The following COL4A4 variants were observed in gnomAD, a reference collection of about 807,000 sequenced individuals.
COL4A4 encodes collagen type IV alpha 4 chain, also known as collagen alpha-4(IV) chain.
COL4A4 carries 105 observed loss-of-function variants against 192.9 expected under a neutral mutation model. The observed-to-expected ratio is 0.54, with a 90% CI of 0.46 to 0.64. COL4A4 has a LOEUF of 0.64. Among genes scored for constraint, COL4A4 ranks in the 30% least tolerant of loss-of-function variants. COL4A4 has a pLI of 0.00. For synonymous variants in COL4A4, 762 were observed against 769.9 expected (o/e 0.99, Z 0.17); for missense variants, 1,967 against 2,169.3 (o/e 0.91, Z 1.85).
At chr2:226,969,833 T>G in the COL4A4 span, among the ~76,000 whole-genome samples, 1 of 152,190 alleles carries the variant, frequency 6.6e-6, no homozygotes, top group African/African-American at 2.4e-5. Flanking sequence ...TGCTAAATTT[T>G]TCTTGGTTTG....
chr2:227,099,735 C>T (rs1230260427), intron 17 of COL4A4, 46 bp from the exon 18 acceptor site: 2 of 1,529,666 alleles, frequency 1.3e-6, no homozygotes, highest in Non-Finnish European at 1.8e-6. Context: ...ATTAATTTTA[C>T]TCATGTTGCC....
Position 227,037,381 on chromosome 2 carries a change from C to T in COL4A4, c.3506-3900G>A, listed in dbSNP as rs185772234. Reference sequence around the variant, plus strand: ...TTAGTTTGCTGAGAATGATGGTTTTCAGCTTCATCCATGTCCCTGCAAAGG... The same window carrying T: ...TTAGTTTGCTGAGAATGATGGTTTTTAGCTTCATCCATGTCCCTGCAAAGG... On this transcript the variant is annotated intron_variant, in intron 37 of 47. Transcript: ENST00000396625. Among the ~76,000 whole-genome samples, 710 of 152,264 alleles carry T rather than the reference C, an allele frequency of 4.7e-3. 6 individuals are homozygous for T. Among genetic ancestry groups the T allele is most frequent in the African/African-American group, 0.016 (667 of 41,544 alleles).
chr2:227,000,215 A>T (rs1960581087), downstream of COL4A4, among the ~76,000 whole-genome samples: 1 of 152,186 alleles, frequency 6.6e-6, no homozygotes, highest in Non-Finnish European at 1.5e-5. Flanking sequence ...CAGGGTGTGC[A>T]CCCAGGGCCC....
intron 4 of COL4A4, among the ~76,000 whole-genome samples, chr2:227,132,543 A>G (rs2062546938): frequency 6.6e-6 from 1 of 152,220 alleles, no homozygotes; most frequent in Non-Finnish European, 1.5e-5. Flanking sequence ...TGGGAGGCCG[A>G]GATGGGCAGA....
At chr2:227,115,606 A>G (rs2061451310) in intron 7 of COL4A4, among the ~76,000 whole-genome samples, 1 of 152,112 alleles carries the variant, frequency 6.6e-6, no homozygotes, top group Non-Finnish European at 1.5e-5. Context: ...TCTCTTGGTT[A>G]CCACATAAAA....
At chr2:227,081,147 A>G (rs2059303054) in intron 23 of COL4A4, among the ~76,000 whole-genome samples, 1 of 152,198 alleles carries the variant, frequency 6.6e-6, no homozygotes, top group Admixed American at 6.5e-5. Flanking sequence ...GGAATGAAGG[A>G]TGCCTACATA....
chr2:227,067,409 T>C (rs1559540601), intron 25 of COL4A4, among the ~76,000 whole-genome samples: 1 of 152,186 alleles, frequency 6.6e-6, no homozygotes, highest in Non-Finnish European at 1.5e-5. Flanking sequence ...ATCAACAGAA[T>C]ATACATTTTT....
chr2:227,063,815 T>C (rs1227745165), intron 25 of COL4A4, among the ~76,000 whole-genome samples: 1 of 151,832 alleles, frequency 6.6e-6, no homozygotes, highest in South Asian at 2.1e-4. Context: ...TTCTATACTT[T>C]GAGTATGTGT....
chr2:227,101,858 C>A lies in COL4A4; in HGVS notation c.975+7G>T. 2 of 1,576,904 alleles carry A rather than the reference C, an allele frequency of 1.3e-6. No homozygotes were observed. The highest frequency in any genetic ancestry group is 1.7e-6 in the Non-Finnish European group (2 of 1,153,246). On this transcript the variant is annotated splice_region_variant and intron_variant, in intron 16 of 47. Transcript: ENST00000396625. ...TATTTATTATCTCTATAATGAGGTA[C>A]ATTTACCTTTAATCCTGGAAAACCT... is the stretch of plus-strand genomic sequence containing the variant.
intron 37 of COL4A4, among the ~76,000 whole-genome samples, chr2:227,034,300 C>T (rs1023227530): frequency 1.3e-5 from 2 of 152,106 alleles, no homozygotes; most frequent in East Asian, 1.9e-4. Context: ...GTTGTCTGAA[C>T]GAGAGCCTTT....
intron 1 of COL4A4, among the ~76,000 whole-genome samples, chr2:227,162,133 T>C (rs2064887415): frequency 6.6e-6 from 1 of 152,084 alleles, no homozygotes; most frequent in South Asian, 2.1e-4. Context: ...AACTCCAGAG[T>C]CTACTCCAGA....
the COL4A4 span, among the ~76,000 whole-genome samples, chr2:226,987,625 T>G: frequency 6.6e-6 from 1 of 152,032 alleles, no homozygotes; most frequent in Non-Finnish European, 1.5e-5. Context: ...TGTGTGGGAG[T>G]CAGAGGTCCA....
chr2:227,032,221 C>G lies in COL4A4; in HGVS notation c.3633G>C (p.Glu1211Asp). Residue 1211 changes from glutamate (E) to aspartate (D), a missense_variant, in exon 39 of 48, where the codon GAG becomes GAC. Coordinates refer to ENST00000396625, the MANE Select transcript of COL4A4 (RefSeq NM_000092.5). ...GPVGIPGLKG[E>D]RGDPGSPGIS... The stretch of plus-strand genomic sequence containing the variant: ...TTCCTGGGCTCCCAGGGTCTCCTCT[C>G]TCCCCTTTTAGCCCAGGTATTCCCA... 2 of 1,614,118 alleles carry G rather than the reference C, an allele frequency of 1.2e-6. No homozygotes were observed. The highest frequency in any genetic ancestry group is 1.7e-6 in the Non-Finnish European group (2 of 1,179,962).
intron 44 of COL4A4, among the ~76,000 whole-genome samples, chr2:227,012,914 C>T (rs1325968368): frequency 1.3e-5 from 2 of 152,130 alleles, no homozygotes; most frequent in Non-Finnish European, 2.9e-5. Context: ...GCCAGTTATA[C>T]CAGTGAAGAG....
intron 5 of COL4A4, among the ~76,000 whole-genome samples, chr2:227,120,336 A>G (rs2061707653): frequency 6.6e-6 from 1 of 152,210 alleles, no homozygotes; most frequent in African/African-American, 2.4e-5. Flanking sequence ...TTTTATTCAT[A>G]CTATGGCATA....
At chr2:227,102,766 T>A in intron 15 of COL4A4, 23 bp downstream of exon 15, 1 of 1,600,258 alleles carries the variant, frequency 6.2e-7, no homozygotes, top group East Asian at 2.2e-5. Flanking sequence ...AATTCACTGA[T>A]GTTAACAGCA....
At chr2:227,089,295 A>G (rs997227407) in intron 21 of COL4A4, among the ~76,000 whole-genome samples, 1 of 152,088 alleles carries the variant, frequency 6.6e-6, no homozygotes, top group African/African-American at 2.4e-5. Flanking sequence ...ATAATTCACC[A>G]CAATGCATTT....
Position 227,153,074 on chromosome 2 carries a change from G to A in COL4A4, c.-101-5490C>T, listed in dbSNP as rs556404742. Among the ~76,000 whole-genome samples, 3 of 152,278 alleles carry A rather than the reference G, an allele frequency of 2.0e-5. No individual in the cohort carries two copies. In the South Asian group the frequency reaches 6.2e-4, roughly 32 times the overall value. On this transcript the variant is annotated intron_variant, in intron 1 of 47. Coordinates refer to ENST00000396625, the MANE Select transcript of COL4A4 (RefSeq NM_000092.5). ...TACATGGTGGCAGGCAAGAGAGAAT[G>A]AGAGCCAAGCGAAAAGGAAAATCCC...
rs72091291 is a variant in COL4A4, at chr2:227,089,608, TAC to T, written c.1459+258_1459+259del. Among the ~76,000 whole-genome samples, 8,873 of 137,692 alleles carry T rather than the reference TAC, an allele frequency of 0.064. 1,135 individuals carry two copies. Among genetic ancestry groups the T allele is most frequent in the African/African-American group, 0.15 (5,192 of 35,348 alleles). 90.3% of individuals were successfully genotyped at this position (137,692 alleles called of 152,430 possible). On this transcript the variant is annotated intron_variant, in intron 21 of 47. Transcript: ENST00000396625. ...TGTTCCATATATATATATATATATA[TAC>T]ATACATATATATAAATATATAAGAC...
Sources: allele counts gnomAD v4.1 joint callset (sites outside exome capture counted in the v4.1 genomes callset), GRCh38; gene constraint gnomAD v4.1.1; transcripts MANE v1.5; gene names NCBI Gene and HGNC (gene_info 2026-07-23, HGNC 2026-07-21).